The following STEAP1 variants were observed in gnomAD, a reference collection of about 807,000 sequenced individuals.
The protein encoded by STEAP1 is STEAP family member 1, also known as STEAP1 protein.
A neutral mutation model predicts 34.4 loss-of-function variants in STEAP1; 30 were observed. The observed-to-expected ratio is 0.87, with a 90% CI of 0.65 to 1.18. The LOEUF is 1.18. Ranked by LOEUF, STEAP1 falls within the 50% of genes most tolerant of loss-of-function variation. The probability of loss-of-function intolerance (pLI) is 0.00; values close to 1 mark genes in which losing one functional copy is unlikely to be tolerated. For missense variants in STEAP1, 318 were observed against 391.1 expected (o/e 0.81, Z 1.58); for synonymous variants, 116 against 135.3 (o/e 0.86, Z 0.99).
At chr7:90,164,403 G>A in intron 4 of STEAP1, 74 bp from the exon 5 acceptor site, 1 of 1,476,936 alleles carries the variant, frequency 6.8e-7, no homozygotes, top group Non-Finnish European at 9.0e-7. Context: ...AAGCAACAGA[G>A]CATATCCAGA....
At chr7:90,159,165 G>T (rs1481071533) in intron 1 of STEAP1, among the ~76,000 whole-genome samples, 1 of 152,154 alleles carries the variant, frequency 6.6e-6, no homozygotes, top group Non-Finnish European at 1.5e-5. Flanking sequence ...TTTCCACAGG[G>T]TTGACCAGAA....
At chr7:90,162,301 T>G (rs535201850) in intron 4 of STEAP1, 41 of 641,088 alleles carry the variant, frequency 6.4e-5, no homozygotes, top group Middle Eastern at 1.1e-3. Context: ...TATTCTTTGT[T>G]TTTTTTTTTT....
In STEAP1 at chr7:90,160,808, A is replaced by G. The variant is rs1275726717; in HGVS notation, c.88A>G (p.Lys30Glu). 1 of 1,610,716 alleles carries G rather than the reference A, an allele frequency of 6.2e-7. No homozygotes were observed. Among genetic ancestry groups the G allele is most frequent in the African/African-American group, 1.3e-5 (1 of 74,884 alleles). Reference sequence around the variant, plus strand: ...GTTAATTTTCTTTCCTTTGTAGCATAAGGACACGGGAGAGACCAGCATGCT... The same window carrying G: ...GTTAATTTTCTTTCCTTTGTAGCATGAGGACACGGGAGAGACCAGCATGCT... ...RNLEEDDYLH[K>E]DTGETSMLKR... The change falls in exon 3 of 5, where the codon AAG becomes GAG. Residue 30 changes from lysine (K) to glutamate (E), a missense_variant. Transcript: ENST00000297205.
chr7:90,155,394 C>T (rs756872782), intron 1 of STEAP1, among the ~76,000 whole-genome samples: 15 of 152,258 alleles, frequency 9.9e-5, no homozygotes, highest in Admixed American at 3.3e-4. Flanking sequence ...TTCTCAACTG[C>T]GGGACATAAA....
chr7:90,162,244 T>G, intron 4 of STEAP1, 166 bp downstream of exon 4: 6 of 1,039,156 alleles, frequency 5.8e-6, no homozygotes, highest in Non-Finnish European at 7.7e-6. Flanking sequence ...CCCTATTGCT[T>G]CTAATTAGGA....
intron 3 of STEAP1, among the ~76,000 whole-genome samples, chr7:90,161,680 A>G (rs1405477492): frequency 1.3e-5 from 2 of 152,118 alleles, no homozygotes; most frequent in African/African-American, 2.4e-5. Flanking sequence ...AAACCATCAA[A>G]TAATTATTAG....
At chr7:90,158,713 C>G in intron 1 of STEAP1, among the ~76,000 whole-genome samples, 1 of 152,158 alleles carries the variant, frequency 6.6e-6, no homozygotes, top group East Asian at 1.9e-4. Context: ...GTACACTTCA[C>G]AATAATAATA....
At chr7:90,159,393 A>G (rs1369426070) in intron 1 of STEAP1, among the ~76,000 whole-genome samples, 1 of 152,264 alleles carries the variant, frequency 6.6e-6, no homozygotes, top group Non-Finnish European at 1.5e-5. Flanking sequence ...TACTCTCAAT[A>G]TAATACATTC....
rs369205794 is a variant in STEAP1, at chr7:90,161,250, T to A, written c.530T>A (p.Ile177Asn). The change falls in exon 3 of 5, where the codon ATT becomes AAT. Residue 177 changes from isoleucine (I) to asparagine (N), a missense_variant. Transcript: ENST00000297205. ...LSFFFAVLHA[I>N]YSLSYPMRRS... ...TTCTTTTTTGCTGTACTGCATGCAATTTATAGTCTGTCTTACCCAATGAGG... is the reference window on the plus strand; with the variant it reads ...TTCTTTTTTGCTGTACTGCATGCAAATTATAGTCTGTCTTACCCAATGAGG... The A allele has an allele frequency of 1.2e-6, 2 of 1,614,164 alleles. No individual in the cohort carries two copies. The highest frequency in any genetic ancestry group is 1.7e-5 in the Admixed American group (1 of 60,024).
rs533179509 is a variant in STEAP1, at chr7:90,163,972, C to T, written c.763-505C>T. ...GAGTGAATCACATTAGTCGCCTTCACAACTGATAAAGATCACTGAAGTCAA... is the reference window on the plus strand; with the variant it reads ...GAGTGAATCACATTAGTCGCCTTCATAACTGATAAAGATCACTGAAGTCAA... On this transcript the variant is annotated intron_variant, in intron 4 of 4. Transcript: ENST00000297205. Among the ~76,000 whole-genome samples, 92 of 152,310 alleles carry T rather than the reference C, an allele frequency of 6.0e-4. 1 individual carries two copies. Among genetic ancestry groups the T allele is most frequent in the African/African-American group, 2.0e-3 (83 of 41,568 alleles).
intron 4 of STEAP1, among the ~76,000 whole-genome samples, chr7:90,164,050 A>C (rs1041342630): frequency 6.6e-6 from 1 of 152,206 alleles, no homozygotes; most frequent in Admixed American, 6.5e-5. Flanking sequence ...AGAATCTAAA[A>C]TGTACAAATC....
At chr7:90,155,732 C>T (rs1423544349) in intron 1 of STEAP1, among the ~76,000 whole-genome samples, 1 of 152,160 alleles carries the variant, frequency 6.6e-6, no homozygotes, top group Non-Finnish European at 1.5e-5. Context: ...AGCTTCCTCA[C>T]TGTCATGGGC....
In STEAP1 at chr7:90,161,008, C is replaced by T. The variant is rs1166210481; in HGVS notation, c.288C>T (p.His96=). ...FLYTLLREVI[H]PLATSHQQYF... is the part of the protein sequence containing the mutation. ...ACACTCTTCTGAGGGAAGTAATTCA[C>T]CCTTTAGCAACTTCCCATCAACAAT... is the stretch of plus-strand genomic sequence containing the variant. Residue 96 remains histidine, a synonymous_variant, in exon 3 of 5, where the codon CAC becomes CAT. Coordinates refer to ENST00000297205, the MANE Select transcript of STEAP1 (RefSeq NM_012449.3). The T allele has an allele frequency of 6.2e-7, 1 of 1,613,852 alleles. No individual in the cohort carries two copies. The highest frequency in any genetic ancestry group is 1.3e-5 in the African/African-American group (1 of 74,920).
In STEAP1 at chr7:90,154,537, A is replaced by AGAGT. The variant is rs1794093468; in HGVS notation, c.-36_-33dup. 6.5e-6 allele frequency: 1 copy of AGAGT among 153,520 alleles called. No individual in the cohort carries two copies. The highest frequency in any genetic ancestry group is 1.9e-4 in the East Asian group (1 of 5,186). The allele number at this position is 153,520 out of a possible 1,614,324, so 9.5% of individuals were successfully genotyped here. A position where few individuals can be genotyped will look rare whatever the true frequency, so the allele number is the denominator to read the frequency against. ...GAGACTCACGGTCAAGCTAAGGCGA[A>AGAGT]GAGTGGGTGAGTCCCTTGAATCGTT... is the stretch of plus-strand genomic sequence containing the variant. On this transcript the variant is annotated 5_prime_UTR_variant, in exon 1 of 5. Transcript: ENST00000297205.
chr7:90,160,701 C>G (rs1794170102), intron 2 of STEAP1, 104 bp from the exon 3 acceptor site: 11 of 1,494,882 alleles, frequency 7.4e-6, no homozygotes, highest in Non-Finnish European at 8.9e-6. Flanking sequence ...TTCTGAATGC[C>G]CTTATTCAAT....
intron 3 of STEAP1, 57 bp downstream of exon 3, chr7:90,161,374 T>C: frequency 1.3e-6 from 2 of 1,521,692 alleles, no homozygotes; most frequent in African/African-American, 2.8e-5. Flanking sequence ...CCTAACAAAT[T>C]AATCATTTCT....
Position 90,164,650 on chromosome 7 carries a change from C to G in STEAP1, c.936C>G (p.Cys312Trp), listed in dbSNP as rs201074373. 2.3e-5 allele frequency: 37 copies of G among 1,613,682 alleles called. No individual in the cohort carries two copies. In the African/African-American group the frequency reaches 4.4e-4, roughly 19 times the overall value. ...TTAAAAGCATACTATTCCTGCCATG[C>G]TTGAGGAAGAAGATACTGAAGATTA... is the stretch of plus-strand genomic sequence containing the variant. The part of the protein sequence containing the change: ...LIFKSILFLP[C>W]LRKKILKIRH... The change falls in exon 5 of 5, where the codon TGC becomes TGG. Residue 312 changes from cysteine (C) to tryptophan (W), a missense_variant. Physicochemically the swap from Cys to Trp is radical, Grantham distance 215. Coordinates refer to ENST00000297205, the MANE Select transcript of STEAP1 (RefSeq NM_012449.3).
At position 90,161,208 on chromosome 7, in the gene STEAP1, A is replaced by C; in HGVS notation, c.488A>C (p.Gln163Pro). The change falls in exon 3 of 5, where the codon CAG (glutamine) becomes CCG (proline). Residue 163 changes from glutamine to proline, a missense_variant. Coordinates refer to ENST00000297205, the MANE Select transcript of STEAP1 (RefSeq NM_012449.3). ...GATAAGTGGATGTTAACAAGAAAGC[A>C]GTTTGGGCTTCTCAGTTTCTTTTTT... ...WLDKWMLTRKQFGLLSFFFAV... is the reference protein window; with the variant it reads ...WLDKWMLTRKPFGLLSFFFAV... 6.2e-7 allele frequency: 1 copy of C among 1,614,132 alleles called. No homozygotes were observed. The highest frequency in any genetic ancestry group is 8.5e-7 in the Non-Finnish European group (1 of 1,179,986).
chr7:90,163,921 A>T (rs1200508295), intron 4 of STEAP1, among the ~76,000 whole-genome samples: 1 of 152,192 alleles, frequency 6.6e-6, no homozygotes, highest in African/African-American at 2.4e-5. Context: ...AAGTTCATTC[A>T]CTTCATTATT....
Sources: gnomAD v4.1 joint callset for allele counts (sites outside exome capture counted in the v4.1 genomes callset) on GRCh38, gnomAD v4.1.1 for gene constraint, MANE v1.5 for transcripts, NCBI Gene and HGNC (gene_info 2026-07-23, HGNC 2026-07-21) for gene names.